Variants in FRMD4A observed in about 807,000 individuals in gnomAD.
FRMD4A encodes the protein FERM domain containing 4A.
Under a neutral mutation model 129.1 loss-of-function variants are expected in FRMD4A, and 29 were observed. That is an observed-to-expected ratio of 0.22 (90% CI 0.17 to 0.31). The LOEUF is 0.31. Among genes scored for constraint, FRMD4A ranks in the 10% least tolerant of loss-of-function variants. The probability of loss-of-function intolerance (pLI) is 1.00; values close to 1 mark genes in which losing one functional copy is unlikely to be tolerated. For synonymous variants in FRMD4A, 634 were observed against 571.6 expected (o/e 1.11, Z -1.56); for missense variants, 1,272 against 1,375.8 (o/e 0.92, Z 1.19).
intron 2 of FRMD4A, among the ~76,000 whole-genome samples, chr10:13,865,016 C>A (rs779448516): frequency 1.1e-4 from 17 of 152,090 alleles, no homozygotes; most frequent in Non-Finnish European, 2.4e-4. Flanking sequence ...GCTCTGTTGT[C>A]CAGGCTGGTG....
chr10:13,976,019 G>GACGA (rs1295095288), intron 2 of FRMD4A, among the ~76,000 whole-genome samples: 4 of 152,198 alleles, frequency 2.6e-5, no homozygotes, highest in Admixed American at 1.3e-4. Context: ...AAGGGTAATG[G>GACGA]ACGAGGACAG....
chr10:13,907,941 G>A (rs1380608503), intron 2 of FRMD4A, among the ~76,000 whole-genome samples: 23 of 151,240 alleles, frequency 1.5e-4, no homozygotes, highest in African/African-American at 5.3e-4. Context: ...CGAGGCAGGC[G>A]GATCACCTGA....
intron 12 of FRMD4A, among the ~76,000 whole-genome samples, chr10:13,715,160 T>G (rs919564430): frequency 3.3e-5 from 5 of 152,216 alleles, no homozygotes; most frequent in African/African-American, 4.8e-5. Context: ...TGTTTTGGTT[T>G]TCATTTTTAG....
intron 2 of FRMD4A, among the ~76,000 whole-genome samples, chr10:14,135,594 A>C (rs553249657): frequency 1.3e-4 from 20 of 152,348 alleles, no homozygotes; most frequent in Middle Eastern, 3.4e-3. Flanking sequence ...TCTGTTATCA[A>C]GAGGCATAGG....
At chr10:13,682,906 C>T (rs1335940952) in intron 15 of FRMD4A, among the ~76,000 whole-genome samples, 8 of 152,152 alleles carry the variant, frequency 5.3e-5, no homozygotes, top group East Asian at 1.9e-4. Flanking sequence ...AAACTCAACA[C>T]GGGTAGGAGC....
intron 2 of FRMD4A, among the ~76,000 whole-genome samples, chr10:13,915,792 G>A (rs1405744743): frequency 6.6e-6 from 1 of 152,128 alleles, no homozygotes; most frequent in Non-Finnish European, 1.5e-5. Flanking sequence ...TCTCCCTGGA[G>A]TGTTCCTGCA....
intron 3 of FRMD4A, among the ~76,000 whole-genome samples, chr10:13,847,765 C>T (rs1475465172): frequency 6.6e-6 from 1 of 152,214 alleles, no homozygotes; most frequent in Non-Finnish European, 1.5e-5. Flanking sequence ...AAAAGTTCTG[C>T]AACCAAAATA....
At chr10:13,808,793 T>G (rs1161828979) in intron 4 of FRMD4A, among the ~76,000 whole-genome samples, 1 of 152,228 alleles carries the variant, frequency 6.6e-6, no homozygotes, top group Admixed American at 6.5e-5. Flanking sequence ...CCACTCCTTC[T>G]GTGGCTGGAG....
At chr10:14,180,816 T>C (rs914828878) in intron 2 of FRMD4A, among the ~76,000 whole-genome samples, 4 of 152,210 alleles carry the variant, frequency 2.6e-5, no homozygotes, top group Admixed American at 2.6e-4. Context: ...GGTTGTATGA[T>C]TACTATTTTC....
Position 13,663,494 on chromosome 10 carries a change from C to A in FRMD4A, c.1619G>T (p.Ser540Ile), listed in dbSNP as rs368361080. 1 of 1,552,064 alleles carries A rather than the reference C, an allele frequency of 6.4e-7. No homozygotes were observed. The highest frequency in any genetic ancestry group is 1.4e-5 in the African/African-American group (1 of 73,806). Residue 540 changes from serine to isoleucine, a missense_variant, in exon 19 of 25, where the codon AGT (serine) becomes ATT (isoleucine). By Grantham distance (142) the Ser-to-Ile change is moderately radical. Coordinates refer to ENST00000357447, the MANE Select transcript of FRMD4A (RefSeq NM_018027.5). ...SLIIDDGNIA[S>I]EDSSLSDALV... is the part of the protein sequence containing the mutation. ...GGCATCTGAGAGGGAGCTGTCTTCA[C>A]TGGCAATGTTTCCATCTGAGAAGAC...
At chr10:13,977,238 T>C (rs1259252772) in intron 2 of FRMD4A, among the ~76,000 whole-genome samples, 1 of 152,248 alleles carries the variant, frequency 6.6e-6, no homozygotes, top group Non-Finnish European at 1.5e-5. Context: ...CCTCTACTTC[T>C]GTGTCACGTA....
At chr10:13,853,412 C>T (rs1358167442) in intron 3 of FRMD4A, among the ~76,000 whole-genome samples, 2 of 152,180 alleles carry the variant, frequency 1.3e-5, no homozygotes, top group Non-Finnish European at 2.9e-5. Context: ...CAATGCACAT[C>T]TGTTAGCCCC....
At chr10:14,175,276 C>G (rs1471162704) in intron 2 of FRMD4A, among the ~76,000 whole-genome samples, 1 of 152,124 alleles carries the variant, frequency 6.6e-6, no homozygotes, top group Non-Finnish European at 1.5e-5. Flanking sequence ...CTGTCCCTTG[C>G]CCTTCTTTCC....
chr10:13,922,813 G>A (rs552584860), intron 2 of FRMD4A, among the ~76,000 whole-genome samples: 1 of 152,206 alleles, frequency 6.6e-6, no homozygotes, highest in East Asian at 1.9e-4. Context: ...TTACAATGAG[G>A]CATGTGACAG....
At chr10:14,029,554 T>C (rs577346561) in intron 2 of FRMD4A, among the ~76,000 whole-genome samples, 1 of 152,334 alleles carries the variant, frequency 6.6e-6, no homozygotes, top group Non-Finnish European at 1.5e-5. Flanking sequence ...CATTTTCCTG[T>C]CTAACCTAGA....
intron 3 of FRMD4A, among the ~76,000 whole-genome samples, chr10:13,832,816 T>G (rs1203362556): frequency 6.6e-6 from 1 of 152,000 alleles, no homozygotes; most frequent in Non-Finnish European, 1.5e-5. Flanking sequence ...ATTTTTAAAT[T>G]TTTTATAGAG....
Position 13,657,020 on chromosome 10 carries a change from G to T in FRMD4A, c.2569C>A (p.Gln857Lys). 6.4e-7 allele frequency: 1 copy of T among 1,568,824 alleles called. No individual in the cohort carries two copies. The change falls in exon 22 of 25, where the codon CAG (glutamine) becomes AAG (lysine). Residue 857 changes from glutamine to lysine, a missense_variant. Physicochemically the swap from Gln to Lys is moderately conservative, Grantham distance 53 (BLOSUM62 1). Coordinates refer to ENST00000357447, the MANE Select transcript of FRMD4A (RefSeq NM_018027.5). The part of the protein sequence containing the change: ...PVVVRSLESD[Q>K]EGHYSVKAQF... ...GCCTTGACGCTGTAGTGGCCCTCCT[G>T]GTCGCTCTCCAGGCTGCGCACCACC...
intron 4 of FRMD4A, among the ~76,000 whole-genome samples, chr10:13,810,089 G>C (rs1046088096): frequency 2.6e-5 from 4 of 152,236 alleles, no homozygotes; most frequent in Non-Finnish European, 5.9e-5. Flanking sequence ...GAGAGAGAGA[G>C]AGAGAGTCTG....
intron 2 of FRMD4A, among the ~76,000 whole-genome samples, chr10:14,086,603 C>G (rs1162339040): frequency 1.3e-5 from 2 of 152,194 alleles, no homozygotes; most frequent in Non-Finnish European, 2.9e-5. Flanking sequence ...CCAACAATGA[C>G]TATATTGCCA....
Sources: allele counts gnomAD v4.1 joint callset (sites outside exome capture counted in the v4.1 genomes callset), GRCh38; gene constraint gnomAD v4.1.1; transcripts MANE v1.5; gene names NCBI Gene and HGNC (gene_info 2026-07-23, HGNC 2026-07-21).